Variants in PIAS2 observed in about 807,000 individuals in gnomAD.
The protein encoded by PIAS2 is protein inhibitor of activated STAT 2.
A neutral mutation model predicts 69.7 loss-of-function variants in PIAS2; 19 were observed. The observed-to-expected ratio is 0.27, with a 90% CI of 0.19 to 0.40. PIAS2 has a LOEUF of 0.40. PIAS2 is among the 10% of genes least tolerant of loss of function. PIAS2 has a pLI of 1.00. For synonymous variants in PIAS2, 261 were observed against 263.2 expected, an observed-to-expected ratio of 0.99 and a Z score of 0.08; for missense variants, 624 against 757.0, an observed-to-expected ratio of 0.82 and a Z score of 2.06.
chr18:46,886,742 G>T (rs939868963), intron 2 of PIAS2, among the ~76,000 whole-genome samples: 4 of 152,050 alleles, frequency 2.6e-5, no homozygotes, highest in Non-Finnish European at 5.9e-5. Flanking sequence ...GAGGCTGAGA[G>T]AGGAGAACTG....
intron 3 of PIAS2, among the ~76,000 whole-genome samples, chr18:46,858,870 G>A (rs2048233611): frequency 6.6e-6 from 1 of 152,122 alleles, no homozygotes; most frequent in South Asian, 2.1e-4. Context: ...TGCTGCAACT[G>A]AAGAGATGGC....
intron 2 of PIAS2, among the ~76,000 whole-genome samples, chr18:46,875,901 A>T (rs931371239): frequency 3.3e-5 from 5 of 152,194 alleles, no homozygotes; most frequent in African/African-American, 1.2e-4. Flanking sequence ...TAGGGTAATG[A>T]ATTATGCCAA....
chr18:46,858,243 C>A (rs1373839438), intron 3 of PIAS2, among the ~76,000 whole-genome samples: 2 of 148,590 alleles, frequency 1.3e-5, no homozygotes, highest in Non-Finnish European at 3.0e-5. Flanking sequence ...AAAAGCAGAG[C>A]AAGATGTTGA....
intron 8 of PIAS2, among the ~76,000 whole-genome samples, chr18:46,842,525 T>A (rs2045573713): frequency 6.6e-6 from 1 of 152,194 alleles, no homozygotes; most frequent in Non-Finnish European, 1.5e-5. Flanking sequence ...ATGGTGACTG[T>A]ATGTGGAATA....
chr18:46,815,236 C>T (rs1035470648), intron 13 of PIAS2, 76 bp downstream of exon 13: 1 of 1,187,978 alleles, frequency 8.4e-7, no homozygotes, highest in Non-Finnish European at 1.2e-6. Context: ...TGATTTTATG[C>T]AACTGGTCAT....
At chr18:46,858,650 T>C (rs192428507) in intron 3 of PIAS2, among the ~76,000 whole-genome samples, 11 of 152,294 alleles carry the variant, frequency 7.2e-5, no homozygotes, top group Admixed American at 4.6e-4. Context: ...TGAGCCTTGA[T>C]TGCGGCACTG....
At chr18:46,829,071 T>C (rs1456949661) in intron 10 of PIAS2, among the ~76,000 whole-genome samples, 1 of 152,208 alleles carries the variant, frequency 6.6e-6, no homozygotes, top group East Asian at 1.9e-4. Flanking sequence ...TGAAATGCAG[T>C]GAGTAGACTG....
At chr18:46,860,927 T>C (rs958672537) in intron 3 of PIAS2, among the ~76,000 whole-genome samples, 2 of 152,116 alleles carry the variant, frequency 1.3e-5, no homozygotes, top group African/African-American at 4.8e-5. Context: ...CAACAAGCCA[T>C]GATCACCACC....
At chr18:46,899,496 G>C (rs1307510074) in intron 1 of PIAS2, among the ~76,000 whole-genome samples, 1 of 152,188 alleles carries the variant, frequency 6.6e-6, no homozygotes, top group African/African-American at 2.4e-5. Flanking sequence ...ATTTGAGACA[G>C]GGTCTTGGCT....
At chr18:46,849,384 T>C (rs1196680270) in intron 5 of PIAS2, among the ~76,000 whole-genome samples, 1 of 152,186 alleles carries the variant, frequency 6.6e-6, no homozygotes, top group African/African-American at 2.4e-5. Context: ...AATATATTAA[T>C]AGTTGGAATT....
chr18:46,863,924 AGAAAG>A (rs1182439997), intron 3 of PIAS2, among the ~76,000 whole-genome samples: 1 of 152,186 alleles, frequency 6.6e-6, no homozygotes, highest in Non-Finnish European at 1.5e-5. Context: ...TTACCAGAAA[AGAAAG>A]ACACCACGGA....
At chr18:46,838,030 C>T (rs1398365596) in intron 8 of PIAS2, among the ~76,000 whole-genome samples, 1 of 152,148 alleles carries the variant, frequency 6.6e-6, no homozygotes, top group Non-Finnish European at 1.5e-5. Flanking sequence ...TATTTTTATG[C>T]TATAAAGTTT....
At chr18:46,864,685 A>G (rs2049161373) in intron 2 of PIAS2, among the ~76,000 whole-genome samples, 2 of 151,428 alleles carry the variant, frequency 1.3e-5, no homozygotes, top group Admixed American at 1.3e-4. Flanking sequence ...CAGGAGAATC[A>G]CTTGAACCCA....
chr18:46,835,663 CAT>C (rs949219426), intron 9 of PIAS2, among the ~76,000 whole-genome samples: 2 of 152,054 alleles, frequency 1.3e-5, no homozygotes, highest in Non-Finnish European at 2.9e-5. Context: ...GAGTAAAAAT[CAT>C]ATGTATATAT....
intron 1 of PIAS2, among the ~76,000 whole-genome samples, chr18:46,899,528 T>G (rs1255676597): frequency 6.6e-6 from 1 of 152,214 alleles, no homozygotes; most frequent in Non-Finnish European, 1.5e-5. Flanking sequence ...AGTGCAGTGG[T>G]GCAAACACTG....
chr18:46,880,356 C>T (rs1217064606), intron 2 of PIAS2, among the ~76,000 whole-genome samples: 2 of 152,240 alleles, frequency 1.3e-5, no homozygotes, highest in Non-Finnish European at 2.9e-5. Context: ...TATACCCTGC[C>T]TGGGTGAGAG....
intron 1 of PIAS2, chr18:46,893,462 G>A: frequency 1.0e-5 from 10 of 984,002 alleles, no homozygotes; most frequent in Non-Finnish European, 1.1e-5. Context: ...ATTTCTAGGA[G>A]GTCTCATATC....
intron 8 of PIAS2, among the ~76,000 whole-genome samples, chr18:46,842,673 G>A (rs564574359): frequency 1.6e-4 from 24 of 152,276 alleles, no homozygotes; most frequent in Non-Finnish European, 2.2e-4. Context: ...ACATGAGAGC[G>A]AAGAAAAGTA....
At chr18:46,879,473 T>A (rs576811721) in intron 2 of PIAS2, among the ~76,000 whole-genome samples, 1 of 152,248 alleles carries the variant, frequency 6.6e-6, no homozygotes, top group East Asian at 1.9e-4. Flanking sequence ...TGTAAAATGG[T>A]GCAGCTGCTG....
Sources: gnomAD v4.1 joint callset for allele counts (sites outside exome capture counted in the v4.1 genomes callset) on GRCh38, gnomAD v4.1.1 for gene constraint, MANE v1.5 for transcripts, NCBI Gene and HGNC (gene_info 2026-07-23, HGNC 2026-07-21) for gene names.